The following MDGA2 variants were observed in gnomAD, a reference collection of about 807,000 sequenced individuals.
MDGA2 encodes MAM domain-containing glycosylphosphatidylinositol anchor protein 2.
In MDGA2, 40 loss-of-function variants were observed where a neutral mutation model predicts 117.8. The observed-to-expected ratio is 0.34, with a 90% CI of 0.26 to 0.44. MDGA2 has a LOEUF of 0.44. Ranked by LOEUF, MDGA2 falls within the 20% of genes least tolerant of loss-of-function variation. The pLI, the probability that MDGA2 is intolerant of heterozygous loss-of-function variation, is 1.00. For synonymous variants in MDGA2, 452 were observed against 439.0 expected (o/e 1.03, Z -0.37); for missense variants, 1,123 against 1,250.6 (o/e 0.90, Z 1.54).
chr14:46,945,975 T>A (rs528337966), intron 9 of MDGA2, among the ~76,000 whole-genome samples: 1 of 152,100 alleles, frequency 6.6e-6, no homozygotes, highest in Non-Finnish European at 1.5e-5. Context: ...AATACATGGT[T>A]AACAAATATG....
intron 2 of MDGA2, among the ~76,000 whole-genome samples, chr14:47,221,841 A>T (rs1347146959): frequency 1.3e-5 from 2 of 151,902 alleles, no homozygotes. Context: ...GCAAATATAT[A>T]TATGTGTGTA....
chr14:46,996,693 T>C (rs530457141), intron 8 of MDGA2: 3 of 155,926 alleles, frequency 1.9e-5, no homozygotes, highest in South Asian at 1.9e-4. Flanking sequence ...GTTGCATCAA[T>C]AGGGGCTCAC....
At chr14:47,010,663 G>C (rs897235018) in intron 8 of MDGA2, among the ~76,000 whole-genome samples, 1 of 151,938 alleles carries the variant, frequency 6.6e-6, no homozygotes, top group African/African-American at 2.4e-5. Context: ...ACTCGCCTAA[G>C]TGTCCCCACA....
At chr14:47,420,932 T>G (rs1333219163) in intron 1 of MDGA2, among the ~76,000 whole-genome samples, 1 of 152,092 alleles carries the variant, frequency 6.6e-6, no homozygotes, top group Non-Finnish European at 1.5e-5. Flanking sequence ...TTTTGATTCT[T>G]GTTATTTTAC....
chr14:47,588,229 G>GAT (rs1243073183), intron 1 of MDGA2, among the ~76,000 whole-genome samples: 1,048 of 100,436 alleles, frequency 0.01, 9 homozygotes, highest in African/African-American at 0.015. Context: ...ATCTCTTGGA[G>GAT]ATAGATAGAT....
rs562210816 is a variant in MDGA2, at chr14:47,632,761, GA to G, written c.280+41755del. On this transcript the variant is annotated intron_variant, in intron 1 of 16. Coordinates refer to ENST00000399232, the MANE Select transcript of MDGA2 (RefSeq NM_001113498.3). ...TAGTTTCTTTTCTTTCTTTTTTTTT[GA>G]GGGGGGGGCTCTTCCTTTCCTTCCT... is the stretch of plus-strand genomic sequence containing the variant. Among the ~76,000 whole-genome samples, 561 of 150,062 alleles carry G rather than the reference GA, an allele frequency of 3.7e-3. 8 individuals are homozygous for G. Among genetic ancestry groups the G allele is most frequent in the African/African-American group, 0.013 (526 of 40,750 alleles).
At chr14:46,865,879 A>G (rs1259602016) in intron 14 of MDGA2, among the ~76,000 whole-genome samples, 1 of 151,106 alleles carries the variant, frequency 6.6e-6, no homozygotes, top group Non-Finnish European at 1.5e-5. Context: ...CCACTGCTCA[A>G]TGAAATAAAA....
At chr14:47,626,792 C>A (rs547589821) in intron 1 of MDGA2, among the ~76,000 whole-genome samples, 1 of 152,330 alleles carries the variant, frequency 6.6e-6, no homozygotes, top group South Asian at 2.1e-4. Flanking sequence ...GCCTGAGCAT[C>A]CCCCACCCTC....
At chr14:47,046,164 ATAAAG>A (rs143823395) in intron 7 of MDGA2, among the ~76,000 whole-genome samples, 29,856 of 151,382 alleles carry the variant, frequency 0.2, 2,949 homozygotes, top group Admixed American at 0.29. Context: ...AATAATAATA[ATAAAG>A]TAAATAAAAG....
intron 1 of MDGA2, among the ~76,000 whole-genome samples, chr14:47,532,294 C>A (rs1399889414): frequency 6.6e-6 from 1 of 152,170 alleles, no homozygotes; most frequent in African/African-American, 2.4e-5. Context: ...ATAAATGTTT[C>A]TCTTTCTTTG....
chr14:47,515,909 T>C (rs1894741548), intron 1 of MDGA2, among the ~76,000 whole-genome samples: 1 of 152,184 alleles, frequency 6.6e-6, no homozygotes, highest in South Asian at 2.1e-4. Flanking sequence ...TATTTCAAAT[T>C]CTGAAACACC....
chr14:47,012,625 A>G (rs1051541318), intron 8 of MDGA2, among the ~76,000 whole-genome samples: 2 of 152,204 alleles, frequency 1.3e-5, no homozygotes, highest in African/African-American at 4.8e-5. Flanking sequence ...AGTGTTTAGC[A>G]TAAAGTGAGT....
At chr14:47,090,882 T>C (rs1879612643) in intron 6 of MDGA2, among the ~76,000 whole-genome samples, 2 of 152,086 alleles carry the variant, frequency 1.3e-5, no homozygotes, top group Admixed American at 6.6e-5. Context: ...CAGGCACTAG[T>C]TATTTGAATA....
At chr14:47,184,225 G>T (rs941447620) in intron 3 of MDGA2, among the ~76,000 whole-genome samples, 1 of 151,748 alleles carries the variant, frequency 6.6e-6, no homozygotes, top group Non-Finnish European at 1.5e-5. Context: ...AAACTCTTTT[G>T]CTTCGATATT....
intron 2 of MDGA2, among the ~76,000 whole-genome samples, chr14:47,230,883 T>G (rs1886666848): frequency 1.3e-5 from 2 of 151,990 alleles, no homozygotes; most frequent in African/African-American, 4.8e-5. Context: ...GCATTAACAG[T>G]ACACTATTCC....
At chr14:46,958,780 T>G (rs2138262592) in intron 8 of MDGA2, among the ~76,000 whole-genome samples, 1 of 152,328 alleles carries the variant, frequency 6.6e-6, no homozygotes, top group East Asian at 1.9e-4. Flanking sequence ...TGCTTTTGAT[T>G]TTTTGCTTAA....
At chr14:46,862,587 A>G (rs776940645) in intron 14 of MDGA2, among the ~76,000 whole-genome samples, 2 of 151,784 alleles carry the variant, frequency 1.3e-5, no homozygotes, top group Non-Finnish European at 2.9e-5. Flanking sequence ...CATATTCCCC[A>G]TAGAGTCTTG....
intron 6 of MDGA2, among the ~76,000 whole-genome samples, chr14:47,075,121 C>G (rs761228308): frequency 8.6e-5 from 13 of 150,796 alleles, no homozygotes; most frequent in Non-Finnish European, 1.8e-4. Flanking sequence ...TGTCCATGCT[C>G]TCTGTCCACA....
chr14:46,910,415 T>C (rs1883654577), intron 10 of MDGA2, among the ~76,000 whole-genome samples: 3 of 152,226 alleles, frequency 2.0e-5, no homozygotes, highest in Admixed American at 6.5e-5. Context: ...TTTGACTCTT[T>C]TAGTGTCTCC....
Sources: allele counts gnomAD v4.1 joint callset (sites outside exome capture counted in the v4.1 genomes callset), GRCh38; gene constraint gnomAD v4.1.1; transcripts MANE v1.5; gene names NCBI Gene and HGNC (gene_info 2026-07-23, HGNC 2026-07-21).